The following FBXO11 variants were observed in gnomAD, a reference collection of about 807,000 sequenced individuals.
FBXO11 encodes F-box only protein 11.
FBXO11 carries 13 observed loss-of-function variants against 117.0 expected under a neutral mutation model. That is an observed-to-expected ratio of 0.11 (90% confidence interval 0.07 to 0.18). FBXO11 has a LOEUF of 0.18. FBXO11 is among the 10% of genes least tolerant of loss of function. FBXO11 has a pLI of 1.00. For synonymous variants in FBXO11, 490 were observed against 380.5 expected (o/e 1.29, Z -3.35); for missense variants, 767 against 1,164.4 (o/e 0.66, Z 4.97).
Position 47,839,767 on chromosome 2 carries a change from C to A in FBXO11, c.235G>T (p.Asp79Tyr). The A allele has an allele frequency of 6.2e-7, 1 of 1,611,922 alleles. No individual in the cohort carries two copies. Among genetic ancestry groups the A allele is most frequent in the Non-Finnish European group, 8.5e-7 (1 of 1,179,490 alleles). ...QERNNVGERD[D>Y]DVPADMVAEE... ...GCAACCATATCTGCAGGCACATCAT[C>A]ATCTGTTATAAACAAAAGCAATAAG... Residue 79 changes from aspartate (D) to tyrosine (Y), a missense_variant and splice_region_variant, in exon 2 of 23, where the codon GAT (aspartate) becomes TAT (tyrosine). Physicochemically the swap from Asp to Tyr is radical, Grantham distance 160. Transcript: ENST00000403359.
At chr2:47,825,047 T>C (rs1671647525) in intron 11 of FBXO11, among the ~76,000 whole-genome samples, 1 of 152,212 alleles carries the variant, frequency 6.6e-6, no homozygotes, top group African/African-American at 2.4e-5. Context: ...GGAGCATGTA[T>C]GTAAGACTTT....
intron 1 of FBXO11, among the ~76,000 whole-genome samples, chr2:47,845,856 T>G (rs1673366390): frequency 6.6e-6 from 1 of 151,252 alleles, no homozygotes; most frequent in Non-Finnish European, 1.5e-5. Context: ...GTAGAAGCCA[T>G]CACTAGTGGT....
Position 47,836,317 on chromosome 2 carries a change from G to A in FBXO11, c.588-316C>T, listed in dbSNP as rs567638457. ...AAAACAGGATTTAAAACGTGAAAAC[G>A]TATTTTTCACATTTAAAATTTTCAG... On this transcript the variant is annotated intron_variant, in intron 4 of 22. Transcript: ENST00000403359. 4.6e-5 allele frequency among the ~76,000 whole-genome samples: 7 copies of A among 151,974 alleles called. No individual in the cohort carries two copies. The South Asian group carries it at 6.2e-4, about 14-fold the overall frequency.
chr2:47,888,676 G>C, intron 1 of FBXO11: 1 of 983,822 alleles, frequency 1.0e-6, no homozygotes, highest in Non-Finnish European at 1.2e-6. Flanking sequence ...CTGTTAGACA[G>C]TTTTTCAGCC....
chr2:47,821,787 A>AAAC (rs941550366), intron 13 of FBXO11, among the ~76,000 whole-genome samples: 3 of 152,010 alleles, frequency 2.0e-5, no homozygotes, highest in Non-Finnish European at 4.4e-5. Flanking sequence ...TCTGTCTCAA[A>AAAC]AACAACAACA....
chr2:47,836,363 A>T (rs1284374785), intron 4 of FBXO11, among the ~76,000 whole-genome samples: 2 of 152,132 alleles, frequency 1.3e-5, no homozygotes, highest in Non-Finnish European at 2.9e-5. Flanking sequence ...TATGGAAATT[A>T]TGTTTTTTTC....
At chr2:47,882,869 A>G (rs532257933) in intron 1 of FBXO11, among the ~76,000 whole-genome samples, 2 of 152,066 alleles carry the variant, frequency 1.3e-5, no homozygotes, top group Non-Finnish European at 2.9e-5. Context: ...GGCTGGTCTC[A>G]AACTCCTGAG....
chr2:47,900,617 TACAC>T (rs1317070235), intron 1 of FBXO11, among the ~76,000 whole-genome samples: 1 of 51,676 alleles, frequency 1.9e-5, no homozygotes, highest in Non-Finnish European at 3.8e-5. Flanking sequence ...CACACGTATA[TACAC>T]ACGTATACAC....
rs1161365030 is a variant in FBXO11 at position 47,834,768 on chromosome 2, A to C, written c.801+20T>G. The C allele has an allele frequency of 6.2e-7, 1 of 1,609,040 alleles. No homozygotes were observed. Among genetic ancestry groups the C allele is most frequent in the South Asian group, 1.1e-5 (1 of 90,282 alleles). The stretch of plus-strand genomic sequence containing the variant: ...TGAAAGATTACCATTTTAAGTCATA[A>C]AAATAAAAATCAAACATACCAACAT... On this transcript the variant is annotated intron_variant, in intron 6 of 22. Coordinates refer to ENST00000403359, the MANE Select transcript of FBXO11 (RefSeq NM_001190274.2).
intron 14 of FBXO11, 32 bp downstream of exon 14, chr2:47,820,330 G>A (rs749616012): frequency 2.6e-6 from 4 of 1,537,848 alleles, no homozygotes; most frequent in Non-Finnish European, 3.6e-6. Context: ...TTTGATGCAT[G>A]AGTTTATAGG....
intron 1 of FBXO11, among the ~76,000 whole-genome samples, chr2:47,844,399 T>C (rs934610918): frequency 2.0e-5 from 3 of 152,228 alleles, no homozygotes; most frequent in Admixed American, 2.0e-4. Context: ...GCCTGGGTCT[T>C]TGTTTCAGAT....
intron 1 of FBXO11, among the ~76,000 whole-genome samples, chr2:47,857,153 T>G (rs1674361186): frequency 6.6e-6 from 1 of 152,218 alleles, no homozygotes; most frequent in Admixed American, 6.5e-5. Context: ...GATTTCCAAG[T>G]CTGCATACCT....
chr2:47,836,011 G>C lies in FBXO11; in HGVS notation c.588-10C>G, dbSNP rs889671038. ...CATATATAATCGTTTCCTGAACAGA[G>C]AAAGGAATTAAAATTTTCTTGATAA... is the stretch of plus-strand genomic sequence containing the variant. On this transcript the variant is annotated splice_polypyrimidine_tract_variant and intron_variant, in intron 4 of 22. Transcript: ENST00000403359. The C allele has an allele frequency of 1.3e-6, 2 of 1,558,336 alleles. No individual in the cohort carries two copies.
intron 1 of FBXO11, among the ~76,000 whole-genome samples, chr2:47,875,840 T>A (rs1292343764): frequency 2.0e-5 from 3 of 152,208 alleles, no homozygotes; most frequent in African/African-American, 7.2e-5. Flanking sequence ...TTCTCTTATT[T>A]TCATTCCTTT....
chr2:47,902,094 C>CCTGG (rs1241355763), intron 1 of FBXO11, among the ~76,000 whole-genome samples: 1 of 152,210 alleles, frequency 6.6e-6, no homozygotes, highest in Non-Finnish European at 1.5e-5. Context: ...AGCCGCCATG[C>CCTGG]CTGGCTCATT....
chr2:47,832,183 T>C (rs1326031142), intron 11 of FBXO11, among the ~76,000 whole-genome samples, 166 bp downstream of exon 11: 1 of 152,206 alleles, frequency 6.6e-6, no homozygotes, highest in East Asian at 1.9e-4. Flanking sequence ...TGCATAAATT[T>C]ACAGAATAAA....
chr2:47,890,075 T>A (rs1464530233), intron 1 of FBXO11, among the ~76,000 whole-genome samples: 1 of 152,162 alleles, frequency 6.6e-6, no homozygotes, highest in Non-Finnish European at 1.5e-5. Context: ...CTCAGTCTCC[T>A]GAGTAGCTAG....
chr2:47,851,785 TA>T (rs1282486349), intron 1 of FBXO11, among the ~76,000 whole-genome samples: 1 of 152,230 alleles, frequency 6.6e-6, no homozygotes, highest in African/African-American at 2.4e-5. Context: ...GTCTTTAGTT[TA>T]TGGGCAAGGA....
chr2:47,857,085 T>C (rs878965570), intron 1 of FBXO11, among the ~76,000 whole-genome samples: 1 of 152,204 alleles, frequency 6.6e-6, no homozygotes, highest in Non-Finnish European at 1.5e-5. Flanking sequence ...TCTACTTTAG[T>C]CAAAGTTCAC....
Sources: allele counts gnomAD v4.1 joint callset (sites outside exome capture counted in the v4.1 genomes callset), GRCh38; gene constraint gnomAD v4.1.1; transcripts MANE v1.5; gene names NCBI Gene and HGNC (gene_info 2026-07-23, HGNC 2026-07-21).